RILPL1: variants seen among roughly 807,000 people sequenced by gnomAD.
RILPL1 encodes Rab interacting lysosomal protein like 1.
RILPL1 carries 33 observed loss-of-function variants against 50.3 expected under a neutral mutation model. That is an observed-to-expected ratio of 0.66 (90% confidence interval 0.50 to 0.88). The LOEUF is 0.88. Ranked by LOEUF, RILPL1 falls within the 40% of genes least tolerant of loss-of-function variation. The pLI is 0.00. For synonymous variants in RILPL1, 205 were observed against 228.6 expected (o/e 0.90, Z 0.93); for missense variants, 418 against 542.5 (o/e 0.77, Z 2.28).
chr12:123,492,353 G>C (rs1463818727), intron 4 of RILPL1, among the ~76,000 whole-genome samples: 4 of 152,150 alleles, frequency 2.6e-5, no homozygotes, highest in Non-Finnish European at 2.9e-5. Context: ...CATGTTGTAG[G>C]ATCCCACTGA....
intron 2 of RILPL1, among the ~76,000 whole-genome samples, chr12:123,517,596 A>AT (rs1884782214): frequency 6.6e-6 from 1 of 151,384 alleles, no homozygotes. Context: ...TACTTATTGT[A>AT]TTTTTTGTAG....
rs1189684140 is a variant in RILPL1 at position 123,533,117 on chromosome 12, G to A, written c.309+57C>T. 2 of 1,457,542 alleles carry A rather than the reference G, an allele frequency of 1.4e-6. No homozygotes were observed. Among genetic ancestry groups the A allele is most frequent in the South Asian group, 2.7e-5 (2 of 74,540 alleles). 90.3% of individuals were successfully genotyped at this position (1,457,542 alleles called of 1,614,324 possible). ...ACCCACAGCTGCCCAATGCGGAAGA[G>A]CCCTTGGGTCCCCGCGGTCCCACTG... On this transcript the variant is annotated intron_variant, in intron 1 of 6. Transcript: ENST00000376874. The surrounding 1 kb of genome is among the most constrained non-coding windows in gnomAD (Gnocchi z 6.2).
chr12:123,526,163 G>A (rs1250889373), intron 1 of RILPL1, among the ~76,000 whole-genome samples: 8 of 152,000 alleles, frequency 5.3e-5, no homozygotes, highest in East Asian at 1.9e-4. Flanking sequence ...AAAATTAGCC[G>A]GGCATGGTGG....
intron 2 of RILPL1, among the ~76,000 whole-genome samples, chr12:123,503,566 G>A (rs1165528084): frequency 4.6e-5 from 7 of 151,950 alleles, no homozygotes; most frequent in Non-Finnish European, 7.4e-5. Flanking sequence ...TCGGCTTGTG[G>A]TGACATTTCT....
At chr12:123,496,411 A>C (rs1883037425) in intron 4 of RILPL1, among the ~76,000 whole-genome samples, 1 of 152,148 alleles carries the variant, frequency 6.6e-6, no homozygotes, top group Non-Finnish European at 1.5e-5. Context: ...TACCAAATTC[A>C]CAGGATACCT....
At chr12:123,475,835 G>C (rs1223121732) in intron 6 of RILPL1, 3 of 811,588 alleles carry the variant, frequency 3.7e-6, no homozygotes, top group Non-Finnish European at 6.2e-6. Flanking sequence ...ACCAGTGGAA[G>C]GGTTTGATTA....
chr12:123,499,341 G>T, intron 3 of RILPL1, 77 bp downstream of exon 3: 1 of 955,146 alleles, frequency 1.0e-6, no homozygotes, highest in Non-Finnish European at 1.7e-6. Context: ...GAAGGGGCCT[G>T]CTGAGTGGAG....
In RILPL1 at chr12:123,485,775, C is replaced by T. The variant is rs753102373; in HGVS notation, c.832G>A (p.Asp278Asn). ...TEPVGEESIS[D>N]AEKVAMDLKD... ...AGATCCATGGCCACCTTCTCTGCGT[C>T]GGAGATGCTCTCCTCTCCCACCGGC... The change falls in exon 5 of 7, where the codon GAC becomes AAC. Residue 278 changes from aspartate to asparagine, a missense_variant. Physicochemically the swap from Asp to Asn is conservative, Grantham distance 23. Coordinates refer to ENST00000376874, the MANE Select transcript of RILPL1 (RefSeq NM_178314.5). The surrounding 1 kb of genome is among the most constrained non-coding windows in gnomAD (Gnocchi z 4.0). 1.6e-5 allele frequency: 26 copies of T among 1,610,250 alleles called. No homozygotes were observed. Among genetic ancestry groups the T allele is most frequent in the Middle Eastern group, 3.3e-4 (2 of 6,048 alleles).
rs746476387 is a variant in RILPL1 at position 123,533,147 on chromosome 12, G to C, written c.309+27C>G. The C allele has an allele frequency of 2.7e-6, 4 of 1,507,090 alleles. No homozygotes were observed. The Admixed American group carries it at 8.0e-5, about 30-fold the overall frequency. The allele number at this position is 1,507,090 out of a possible 1,614,324, so 93.4% of individuals were successfully genotyped here. The stretch of plus-strand genomic sequence containing the variant: ...TGGGTCCCCGCGGTCCCACTGCCCG[G>C]ACGGACAGACCGAGGCCGCCGCCCA... On this transcript the variant is annotated intron_variant, in intron 1 of 6. Coordinates refer to ENST00000376874, the MANE Select transcript of RILPL1 (RefSeq NM_178314.5). The surrounding 1 kb of genome is among the most constrained non-coding windows in gnomAD (Gnocchi z 6.2).
chr12:123,500,278 CTTTTTTT>C (rs61119415), intron 2 of RILPL1, among the ~76,000 whole-genome samples: 1 of 88,266 alleles, frequency 1.1e-5, no homozygotes, highest in Non-Finnish European at 2.2e-5. Context: ...GTGTCCCTTT[CTTTTTTT>C]TTTTTTTTTT....
At chr12:123,518,786 C>T (rs1330844425) in intron 2 of RILPL1, among the ~76,000 whole-genome samples, 1 of 151,952 alleles carries the variant, frequency 6.6e-6, no homozygotes, top group Non-Finnish European at 1.5e-5. Context: ...TGGCCGGGCG[C>T]GGTGGCTCAT....
At chr12:123,518,248 A>C in intron 2 of RILPL1, 1 of 340,222 alleles carries the variant, frequency 2.9e-6, no homozygotes, top group Non-Finnish European at 5.8e-6. Flanking sequence ...TCACACCTGT[A>C]ATCCCAGCAC....
chr12:123,503,871 C>G (rs1417769503), intron 2 of RILPL1, among the ~76,000 whole-genome samples: 2 of 151,864 alleles, frequency 1.3e-5, no homozygotes, highest in East Asian at 3.9e-4. Context: ...CATGGTGGTG[C>G]ACGCCTGTAA....
At chr12:123,527,338 T>A (rs908213781) in intron 1 of RILPL1, among the ~76,000 whole-genome samples, 2 of 147,184 alleles carry the variant, frequency 1.4e-5, no homozygotes, top group Admixed American at 6.8e-5. Context: ...CTTTTTTTTT[T>A]TATAAAAAAG....
At chr12:123,496,005 C>T (rs1883009430) in intron 4 of RILPL1, among the ~76,000 whole-genome samples, 1 of 150,080 alleles carries the variant, frequency 6.7e-6, no homozygotes, top group African/African-American at 2.4e-5. Flanking sequence ...TTAACCACTC[C>T]TTTTTTTTTC....
intron 3 of RILPL1, among the ~76,000 whole-genome samples, chr12:123,499,024 C>G (rs1883201838): frequency 6.6e-6 from 1 of 152,118 alleles, no homozygotes; most frequent in African/African-American, 2.4e-5. Context: ...AAGTAACATG[C>G]CTTCAGAAAG....
rs149478242 is a variant in RILPL1, at chr12:123,521,405, T to C, written c.460+2090A>G. On this transcript the variant is annotated intron_variant, in intron 2 of 6. Transcript: ENST00000376874. ...GAACTTTTGTTTTCATTGTTACTAA[T>C]CAAATCTCAACAAAGGAAATCCAAG... Among the ~76,000 whole-genome samples the C allele has an allele frequency of 2.2e-3, 328 of 151,760 alleles. 3 individuals are homozygous for C. The highest frequency in any genetic ancestry group is 7.5e-3 in the African/African-American group (310 of 41,386).
chr12:123,510,792 G>A (rs1884076079), intron 2 of RILPL1, among the ~76,000 whole-genome samples: 1 of 108,916 alleles, frequency 9.2e-6, no homozygotes, highest in Non-Finnish European at 2.0e-5. Context: ...TGGTATATGT[G>A]TGTGATGTGT....
Position 123,523,610 on chromosome 12 carries a change from C to T in RILPL1, c.345G>A (p.Glu115=). The T allele has an allele frequency of 6.2e-7, 1 of 1,613,888 alleles. No homozygotes were observed. The highest frequency in any genetic ancestry group is 8.5e-7 in the Non-Finnish European group (1 of 1,179,874). ...LELVEDVWRG[E]AQDLLSQIAQ... is the part of the protein sequence containing the mutation. ...CGATCTGGGAGAGGAGGTCCTGCGC[C>T]TCCCCTCGCCACACATCCTCCACCA... Residue 115 remains glutamate, a synonymous_variant, in exon 2 of 7, where the codon GAG becomes GAA. Transcript: ENST00000376874.
Sources: gnomAD v4.1 joint callset for allele counts (sites outside exome capture counted in the v4.1 genomes callset) on GRCh38, gnomAD v4.1.1 for gene constraint, Gnocchi (gnomAD v3.1) non-coding constraint, MANE v1.5 for transcripts, NCBI Gene and HGNC (gene_info 2026-07-23, HGNC 2026-07-21) for gene names.